UGT2B11: variants seen among roughly 807,000 people sequenced by gnomAD.
UGT2B11 encodes UDP-glucuronosyltransferase 2B11.
Under a neutral mutation model 51.7 loss-of-function variants are expected in UGT2B11, and 49 were observed. The observed-to-expected ratio is 0.95, with a 90% CI of 0.75 to 1.20. The LOEUF (loss-of-function observed/expected upper bound fraction) is 1.20. UGT2B11 is among the 50% of genes most tolerant of loss of function. The pLI is 0.00. For missense variants in UGT2B11, 810 were observed against 622.1 expected (o/e 1.30, Z -3.21); for synonymous variants, 273 against 209.0 (o/e 1.31, Z -2.64).
In UGT2B11 at chr4:69,213,313, A is replaced by G. The variant is rs531002414; in HGVS notation, c.722-592T>C. ...TTTTGAGAAATTATTGAAATAGAGAACTGTACTCAACCTTAATCTGTCTCA... is the reference window on the plus strand; with the variant it reads ...TTTTGAGAAATTATTGAAATAGAGAGCTGTACTCAACCTTAATCTGTCTCA... On this transcript the variant is annotated intron_variant, in intron 1 of 5. Coordinates refer to ENST00000446444, the MANE Select transcript of UGT2B11 (RefSeq NM_001073.3). 1.1e-4 allele frequency among the ~76,000 whole-genome samples: 16 copies of G among 151,870 alleles called. No homozygotes were observed. The South Asian group carries it at 1.2e-3, about 12-fold the overall frequency.
chr4:69,200,246 TCTAACCATTAC>T lies in UGT2B11; in HGVS notation c.*183_*193del. On this transcript the variant is annotated 3_prime_UTR_variant, in exon 6 of 6. Transcript: ENST00000446444. Reference sequence around the variant, plus strand: ...ATTTTCTTCATTGCCACAAAATATTTCTAACCATTACCTGGGTGGTAAATCTCTGAAAAACA... The same window carrying T: ...ATTTTCTTCATTGCCACAAAATATTTCTGGGTGGTAAATCTCTGAAAAACA... 4.0e-6 allele frequency: 3 copies of T among 751,758 alleles called. No individual in the cohort carries two copies. The highest frequency in any genetic ancestry group is 5.5e-6 in the Non-Finnish European group (3 of 543,644). 46.6% of individuals were successfully genotyped at this position (751,758 alleles called of 1,614,324 possible). A position where few individuals can be genotyped will look rare whatever the true frequency, so the allele number is the denominator to read the frequency against.
chr4:69,221,606 A>C, the UGT2B11 span, among the ~76,000 whole-genome samples: 1 of 152,376 alleles, frequency 6.6e-6, no homozygotes, highest in South Asian at 2.1e-4. Context: ...CAGGCATTAC[A>C]AGAAAGGCAT....
chr4:69,218,466 A>G (rs191253844), upstream of UGT2B11, among the ~76,000 whole-genome samples: 501 of 152,284 alleles, frequency 3.3e-3, 4 homozygotes, highest in Non-Finnish European at 5.1e-3. Context: ...AAATGTATCA[A>G]TATGGGAAAA....
chr4:69,202,112 G>A (rs1447005184), intron 5 of UGT2B11, among the ~76,000 whole-genome samples: 3 of 151,540 alleles, frequency 2.0e-5, no homozygotes, highest in African/African-American at 4.8e-5. Context: ...GCAGTTCTTG[G>A]GTAATTCCAT....
chr4:69,222,869 T>A, the UGT2B11 span, among the ~76,000 whole-genome samples: 1 of 152,138 alleles, frequency 6.6e-6, no homozygotes, highest in South Asian at 2.1e-4. Flanking sequence ...GCACCCAAGT[T>A]TAAGTTCTCT....
chr4:69,221,108 G>A, the UGT2B11 span, among the ~76,000 whole-genome samples: 1 of 152,166 alleles, frequency 6.6e-6, no homozygotes, highest in Non-Finnish European at 1.5e-5. Flanking sequence ...CAGTATATAT[G>A]GACATGGGAG....
At chr4:69,211,924 A>C (rs557179684) in intron 2 of UGT2B11, among the ~76,000 whole-genome samples, 1 of 151,648 alleles carries the variant, frequency 6.6e-6, no homozygotes, top group South Asian at 2.1e-4. Context: ...TCTTAGTATC[A>C]TCTCATTCTT....
Position 69,214,700 on chromosome 4 carries a change from A to C in UGT2B11, c.23T>G (p.Val8Gly), listed in dbSNP as rs749663754. 3.7e-6 allele frequency: 6 copies of C among 1,612,440 alleles called. No individual in the cohort carries two copies. In the African/African-American group the frequency reaches 8.0e-5, roughly 22 times the overall value. Reference protein sequence around the residue: MTLKWTSVLLLIHLSCYF... With the variant: MTLKWTSGLLLIHLSCYF... ...ACAACTGAGATGTATCAGCAGAAGA[A>C]CTGAAGTCCATTTCAGAGTCATCCT... Residue 8 changes from valine (V) to glycine (G), a missense_variant, in exon 1 of 6, where the codon GTT (valine) becomes GGT (glycine). Transcript: ENST00000446444.
In UGT2B11 at chr4:69,214,515, A is replaced by G. The variant is rs7697482; in HGVS notation, c.208T>C (p.Ser70Pro). ...GGATAAACTTCAAATTTAAGAGTGG[A>G]TGCATCATTGGGATCAAAAAGAATG... ...ASILFDPNDA[S>P]TLKFEVYPTS... The change falls in exon 1 of 6, where the codon TCC becomes CCC. Residue 70 changes from serine to proline, a missense_variant. Ser to Pro is a moderately conservative substitution (Grantham distance 74). Transcript: ENST00000446444. 0.11 allele frequency: 179,571 copies of G among 1,612,862 alleles called. 12,375 individuals are homozygous for G. Among genetic ancestry groups the G allele is most frequent in the African/African-American group, 0.27 (19,929 of 74,872 alleles).
chr4:69,200,451 T>C lies in UGT2B11; in HGVS notation c.1579A>G (p.Lys527Glu). ...AATGTCAGACATAACTAATCTCTTT[T>C]TCCCTTCTTCCCTTTTCTAGCAAAC... ...WKFARKGKKG[K>E]RD The change falls in exon 6 of 6, where the codon AAA becomes GAA. Residue 527 changes from lysine (K) to glutamate (E), a missense_variant. Lys to Glu is a moderately conservative substitution (Grantham distance 56). Transcript: ENST00000446444. 6.2e-7 allele frequency: 1 copy of C among 1,611,426 alleles called. No homozygotes were observed. Among genetic ancestry groups the C allele is most frequent in the Non-Finnish European group, 8.5e-7 (1 of 1,178,474 alleles).
At chr4:69,223,315 C>G in the UGT2B11 span, among the ~76,000 whole-genome samples, 1 of 152,052 alleles carries the variant, frequency 6.6e-6, no homozygotes, top group African/African-American at 2.4e-5. Context: ...CAGGGATGCC[C>G]GCACCGCTGG....
chr4:69,209,027 AT>A (rs1721961554), intron 2 of UGT2B11, among the ~76,000 whole-genome samples: 1 of 151,626 alleles, frequency 6.6e-6, no homozygotes, highest in South Asian at 2.1e-4. Context: ...ACAATGCTTT[AT>A]GCTTCACTTA....
At chr4:69,201,546 C>T (rs1721661009) in intron 5 of UGT2B11, among the ~76,000 whole-genome samples, 1 of 151,760 alleles carries the variant, frequency 6.6e-6, no homozygotes, top group Non-Finnish European at 1.5e-5. Flanking sequence ...CTAGATTGGC[C>T]TTCTAATTTT....
intron 5 of UGT2B11, among the ~76,000 whole-genome samples, chr4:69,203,165 A>G (rs1389096633): frequency 6.6e-6 from 1 of 151,724 alleles, no homozygotes; most frequent in Non-Finnish European, 1.5e-5. Context: ...AAAACTTAAT[A>G]ATAAGACAAA....
chr4:69,207,758 T>A (rs1721912484), intron 3 of UGT2B11, among the ~76,000 whole-genome samples: 2 of 151,636 alleles, frequency 1.3e-5, no homozygotes, highest in Admixed American at 6.6e-5. Context: ...AATAGTACAT[T>A]CCTTAATTGT....
At chr4:69,219,164 C>G (rs1273608012), upstream of UGT2B11, among the ~76,000 whole-genome samples, 1 of 152,040 alleles carries the variant, frequency 6.6e-6, no homozygotes, top group African/African-American at 2.4e-5. Flanking sequence ...AAAAAAAAAC[C>G]TGGTGTTCCC....
intron 2 of UGT2B11, among the ~76,000 whole-genome samples, chr4:69,209,670 G>A (rs1160466164): frequency 6.6e-6 from 1 of 151,542 alleles, no homozygotes; most frequent in East Asian, 2.0e-4. Flanking sequence ...GAGAGTCCTT[G>A]TACTACTATT....
At chr4:69,217,124 T>C (rs1722294560), upstream of UGT2B11, among the ~76,000 whole-genome samples, 1 of 152,154 alleles carries the variant, frequency 6.6e-6, no homozygotes, top group South Asian at 2.1e-4. Context: ...CAATATTTTA[T>C]TTTTCTGAAT....
At position 69,201,527 on chromosome 4, in the gene UGT2B11, C is replaced by T. The variant is rs527605341; in HGVS notation, c.1311-808G>A. On this transcript the variant is annotated intron_variant, in intron 5 of 5. Transcript: ENST00000446444. ...TTTTTTCTAACACTTTTCCTCTGCACACTGTCTTCTAGATTGGCCTTCTAA... is the reference window on the plus strand; with the variant it reads ...TTTTTTCTAACACTTTTCCTCTGCATACTGTCTTCTAGATTGGCCTTCTAA... 3.9e-5 allele frequency among the ~76,000 whole-genome samples: 6 copies of T among 151,910 alleles called. No individual in the cohort carries two copies. The South Asian group carries it at 1.2e-3, about 32-fold the overall frequency.
Sources: gnomAD v4.1 joint callset for allele counts (sites outside exome capture counted in the v4.1 genomes callset) on GRCh38, gnomAD v4.1.1 for gene constraint, MANE v1.5 for transcripts, NCBI Gene and HGNC (gene_info 2026-07-23, HGNC 2026-07-21) for gene names.